ANKS1B: variants seen among roughly 807,000 people sequenced by gnomAD.
ANKS1B encodes the protein ankyrin repeat and sterile alpha motif domain-containing protein 1B.
ANKS1B carries 36 observed loss-of-function variants against 148.3 expected under a neutral mutation model. The ratio of observed to expected loss-of-function variants is 0.24; its 90% CI spans 0.19 to 0.32. The LOEUF is 0.32. Among genes scored for constraint, ANKS1B ranks in the 10% least tolerant of loss-of-function variants. The pLI, the probability that ANKS1B is intolerant of heterozygous loss-of-function variation, is 1.00. For synonymous variants in ANKS1B, 542 were observed against 560.8 expected (o/e 0.97, Z 0.47); for missense variants, 1,157 against 1,542.6 (o/e 0.75, Z 4.19).
At chr12:98,924,884 T>A (rs2099806084) in intron 17 of ANKS1B, among the ~76,000 whole-genome samples, 2 of 152,238 alleles carry the variant, frequency 1.3e-5, no homozygotes, top group African/African-American at 2.4e-5. Flanking sequence ...TAGTGCAGAC[T>A]AATTTCCATA....
chr12:99,265,232 T>C (rs1295072042), intron 12 of ANKS1B, among the ~76,000 whole-genome samples: 1 of 152,162 alleles, frequency 6.6e-6, no homozygotes, highest in East Asian at 1.9e-4. Flanking sequence ...TGAACACTTA[T>C]TAGAAATGAA....
At chr12:99,483,230 A>G (rs542092924) in intron 10 of ANKS1B, among the ~76,000 whole-genome samples, 3 of 151,552 alleles carry the variant, frequency 2.0e-5, no homozygotes, top group Non-Finnish European at 4.4e-5. Flanking sequence ...ATTTTGTCAA[A>G]TGCTTTTTCT....
At chr12:99,926,911 C>T (rs754232965) in intron 1 of ANKS1B, among the ~76,000 whole-genome samples, 1 of 152,194 alleles carries the variant, frequency 6.6e-6, no homozygotes, top group African/African-American at 2.4e-5. Flanking sequence ...CACATTCCTA[C>T]CCCACCTCTG....
intron 20 of ANKS1B, 48 bp downstream of exon 20, chr12:98,807,796 G>T: frequency 6.5e-7 from 1 of 1,543,586 alleles, no homozygotes; most frequent in Non-Finnish European, 8.9e-7. Flanking sequence ...GTGCAACACA[G>T]TACATAGCGC....
chr12:99,512,695 T>A (rs1291616822), intron 9 of ANKS1B, among the ~76,000 whole-genome samples: 1 of 152,088 alleles, frequency 6.6e-6, no homozygotes, highest in East Asian at 1.9e-4. Flanking sequence ...ATGTGGTACA[T>A]ATACACCATG....
At chr12:99,453,715 C>T (rs754327778) in intron 10 of ANKS1B, among the ~76,000 whole-genome samples, 1 of 152,172 alleles carries the variant, frequency 6.6e-6, no homozygotes, top group Non-Finnish European at 1.5e-5. Flanking sequence ...CAATAGATAA[C>T]TAATATAGTA....
intron 9 of ANKS1B, 93 bp downstream of exon 9, chr12:99,654,974 C>T (rs1457050032): frequency 1.5e-5 from 20 of 1,357,562 alleles, no homozygotes; most frequent in Non-Finnish European, 2.0e-5. Context: ...GAACAAGATC[C>T]TAATTTGATT....
chr12:99,892,675 A>G (rs1325630701), intron 1 of ANKS1B, among the ~76,000 whole-genome samples: 1 of 152,092 alleles, frequency 6.6e-6, no homozygotes, highest in African/African-American at 2.4e-5. Context: ...AAGAAAATGA[A>G]CCTCCAGATA....
rs985664530 is a variant in ANKS1B, at chr12:99,671,278, T to A, written c.1129-16068A>T. On this transcript the variant is annotated intron_variant, in intron 8 of 26. Coordinates refer to ENST00000683438, the MANE Select transcript of ANKS1B (RefSeq NM_001352186.2). The stretch of plus-strand genomic sequence containing the variant: ...CTCTTTCACATGTTCTATTTTGTCC[T>A]TAGATGACTATAAAATAGAAATGCT... Among the ~76,000 whole-genome samples, 48 of 152,152 alleles carry A rather than the reference T, an allele frequency of 3.2e-4. 1 individual carries two copies. Among genetic ancestry groups the A allele is most frequent in the Non-Finnish European group, 6.3e-4 (43 of 68,010 alleles).
chr12:99,580,579 CCA>C (rs2097560867), intron 9 of ANKS1B, among the ~76,000 whole-genome samples: 1 of 151,804 alleles, frequency 6.6e-6, no homozygotes, highest in Non-Finnish European at 1.5e-5. Context: ...ATGGTGGCTA[CCA>C]GAGGTTGGGA....
At chr12:99,652,073 G>GTGTATA (rs1555529552) in intron 9 of ANKS1B, among the ~76,000 whole-genome samples, 5 of 148,894 alleles carry the variant, frequency 3.4e-5, no homozygotes, top group African/African-American at 9.9e-5. Context: ...GTTTACATGT[G>GTGTATA]TATATATATA....
chr12:99,288,656 T>C (rs555545771), intron 12 of ANKS1B, among the ~76,000 whole-genome samples: 1 of 152,142 alleles, frequency 6.6e-6, no homozygotes, highest in Non-Finnish European at 1.5e-5. Context: ...GCTTGTTTGT[T>C]AATTTGTTTT....
chr12:99,017,224 C>T (rs1485836806), intron 17 of ANKS1B, among the ~76,000 whole-genome samples: 1 of 152,120 alleles, frequency 6.6e-6, no homozygotes, highest in Non-Finnish European at 1.5e-5. Flanking sequence ...TGGGTGTAGG[C>T]CAAGCTCACT....
chr12:99,898,407 C>G lies in ANKS1B; in HGVS notation c.135-73018G>C, dbSNP rs1440283751. Among the ~76,000 whole-genome samples the G allele has an allele frequency of 2.0e-5, 3 of 152,054 alleles. No individual in the cohort carries two copies. In the East Asian group the frequency reaches 5.8e-4, roughly 29 times the overall value. ...TGTCCTCCAAACAGGACTTTCTGTC[C>G]TCCAAAAAGAAAAAACCTTCCCCAA... On this transcript the variant is annotated intron_variant, in intron 1 of 26. Coordinates refer to ENST00000683438, the MANE Select transcript of ANKS1B (RefSeq NM_001352186.2).
rs2086597297 is a variant in ANKS1B, at chr12:99,327,312, T to G, written c.1756+72319A>C. ...AACATATAAAATATGTAATTATATA[T>G]TATAATTACATATTATATATAATTA... On this transcript the variant is annotated intron_variant, in intron 12 of 26. Transcript: ENST00000683438. Among the ~76,000 whole-genome samples, 11 of 119,198 alleles carry G rather than the reference T, an allele frequency of 9.2e-5. No homozygotes were observed. In the South Asian group the frequency reaches 2.3e-3, roughly 25 times the overall value. 78.2% of individuals were successfully genotyped at this position (119,198 alleles called of 152,430 possible).
chr12:99,265,010 C>T (rs1459042717), intron 12 of ANKS1B, among the ~76,000 whole-genome samples: 1 of 152,056 alleles, frequency 6.6e-6, no homozygotes, highest in Non-Finnish European at 1.5e-5. Context: ...TCTGTGCTGG[C>T]CAATATGGTA....
At chr12:99,861,203 T>C (rs2089974620) in intron 1 of ANKS1B, among the ~76,000 whole-genome samples, 1 of 152,230 alleles carries the variant, frequency 6.6e-6, no homozygotes, top group African/African-American at 2.4e-5. Flanking sequence ...CTTCTGGTTC[T>C]GAGGGCTGCA....
At chr12:99,972,001 T>A (rs1200663321) in intron 1 of ANKS1B, among the ~76,000 whole-genome samples, 1 of 152,228 alleles carries the variant, frequency 6.6e-6, no homozygotes, top group Non-Finnish European at 1.5e-5. Context: ...CTGTGTCACA[T>A]GTTGGTAATT....
chr12:99,638,884 G>C (rs2153416232), intron 9 of ANKS1B, among the ~76,000 whole-genome samples: 1 of 152,290 alleles, frequency 6.6e-6, no homozygotes, highest in Non-Finnish European at 1.5e-5. Context: ...GGTCTAAAAG[G>C]TGCCAAGGTA....
Sources: gnomAD v4.1 joint callset for allele counts (sites outside exome capture counted in the v4.1 genomes callset) on GRCh38, gnomAD v4.1.1 for gene constraint, MANE v1.5 for transcripts, NCBI Gene and HGNC (gene_info 2026-07-23, HGNC 2026-07-21) for gene names.